KCNH6: variants seen among roughly 807,000 people sequenced by gnomAD.
The protein encoded by KCNH6 is voltage-gated inwardly rectifying potassium channel KCNH6.
Under a neutral mutation model 83.4 loss-of-function variants are expected in KCNH6, and 81 were observed. The observed-to-expected ratio is 0.97, with a 90% CI of 0.81 to 1.17. KCNH6 has a LOEUF of 1.17. Among genes scored for constraint, KCNH6 ranks in the 50% most tolerant of loss-of-function variants. The pLI is 0.00. For missense variants in KCNH6, 1,203 were observed against 1,290.5 expected, an observed-to-expected ratio of 0.93 and a Z score of 1.04; for synonymous variants, 503 against 545.6, an observed-to-expected ratio of 0.92 and a Z score of 1.09.
Position 63,533,852 on chromosome 17 carries a change from C to G in KCNH6, c.676-34C>G, listed in dbSNP as rs1296932659. ...GGCCAGTCTCACCAGCAGTGGCTGCCCCGTGCCTGACCTCCCTCGGCCCCC... is the reference window on the plus strand; with the variant it reads ...GGCCAGTCTCACCAGCAGTGGCTGCGCCGTGCCTGACCTCCCTCGGCCCCC... On this transcript the variant is annotated intron_variant, in intron 4 of 12. Transcript: ENST00000314672. The surrounding 1 kb of genome is among the most constrained non-coding windows in gnomAD (Gnocchi z 4.1). 4.4e-6 allele frequency: 7 copies of G among 1,589,012 alleles called. No homozygotes were observed. Among genetic ancestry groups the G allele is most frequent in the Non-Finnish European group, 6.0e-6 (7 of 1,167,838 alleles).
At position 63,544,383 on chromosome 17, in the gene KCNH6, C is replaced by T. The variant is rs2033040969; in HGVS notation, c.2368C>T (p.Leu790=). 6.3e-7 allele frequency: 1 copy of T among 1,599,710 alleles called. No individual in the cohort carries two copies. The change falls in exon 11 of 13, where the codon CTA becomes TTA. Residue 790 remains leucine (L), a synonymous_variant. Coordinates refer to ENST00000314672, the MANE Select transcript of KCNH6 (RefSeq NM_001278919.2). ...CTGGCCTCTGAAGCTGGGCTCCAGG[C>T]TAGAGCAGCTCCAGGCCCAGATGAA... The part of the protein sequence containing the change: ...DCWPLKLGSR[L]EQLQAQMNRL...
rs866919638 is a variant in KCNH6, at chr17:63,538,400, C to T, written c.1702-10C>T. The T allele has an allele frequency of 6.3e-7, 1 of 1,591,212 alleles. No individual in the cohort carries two copies. The highest frequency in any genetic ancestry group is 8.5e-7 in the Non-Finnish European group (1 of 1,170,078). On this transcript the variant is annotated splice_polypyrimidine_tract_variant and intron_variant, in intron 7 of 12. Transcript: ENST00000314672. This position sits in a 1 kb window ranked among gnomAD's most constrained non-coding sequence, Gnocchi z 4.0. ...CCGCGTCCCGCTGGACTTGGCCGCC[C>T]GCCTTGCAGGTGCTGAAGGGCTTCC...
intron 8 of KCNH6, among the ~76,000 whole-genome samples, chr17:63,539,455 TG>T (rs1568083595): frequency 6.6e-6 from 1 of 152,214 alleles, no homozygotes; most frequent in Non-Finnish European, 1.5e-5. Flanking sequence ...CAAGGAGCCC[TG>T]TCCTCACCCC....
Position 63,545,759 on chromosome 17 carries a change from C to A in KCNH6, c.2734C>A (p.Pro912Thr). The change falls in exon 13 of 13, where the codon CCT becomes ACT. Residue 912 changes from proline to threonine, a missense_variant. Physicochemically the swap from Pro to Thr is conservative, Grantham distance 38. Coordinates refer to ENST00000314672, the MANE Select transcript of KCNH6 (RefSeq NM_001278919.2). ...PEGLWPPLAS[P>T]LHPLEVQGLI... ...GGGGCTCTGGCCACCCCTAGCCTCA[C>A]CTCTACATCCCCTGGAAGTACAAGG... 6.2e-7 allele frequency: 1 copy of A among 1,614,164 alleles called. No individual in the cohort carries two copies.
Position 63,538,262 on chromosome 17 carries a change from G to A in KCNH6, c.1699G>A (p.Ala567Thr), listed in dbSNP as rs762870334. ...CTACACCAATGGCATTGACATGAAC[G>A]CGGTGAGCCCCGCCGCTCCGGCTAA... Reference protein sequence around the residue: ...WSYTNGIDMNAVLKGFPECLQ... With the variant: ...WSYTNGIDMNTVLKGFPECLQ... The change falls in exon 7 of 13, where the codon GCG becomes ACG. Residue 567 changes from alanine (A) to threonine (T), a missense_variant and splice_region_variant. By Grantham distance (58) the Ala-to-Thr change is moderately conservative. Transcript: ENST00000314672. This position sits in a 1 kb window ranked among gnomAD's most constrained non-coding sequence, Gnocchi z 4.0. 3 of 1,613,584 alleles carry A rather than the reference G, an allele frequency of 1.9e-6. No individual in the cohort carries two copies. Among genetic ancestry groups the A allele is most frequent in the East Asian group, 2.2e-5 (1 of 44,844 alleles).
chr17:63,543,910 A>G lies in KCNH6; in HGVS notation c.2233+250A>G, dbSNP rs540645209. On this transcript the variant is annotated intron_variant, in intron 10 of 12. Transcript: ENST00000314672. ...ATGCAACCCCCAGGGGTGTATGGAG[A>G]CTAGCCAGCCCCCTGAGGTTCCACA... 3 of 683,840 alleles carry G rather than the reference A, an allele frequency of 4.4e-6. No individual in the cohort carries two copies. In the South Asian group the frequency reaches 5.7e-5, roughly 13 times the overall value. The allele number at this position is 683,840 out of a possible 1,614,324, so 42.4% of individuals were successfully genotyped here.
rs2031577134 is a variant in KCNH6, at chr17:63,524,607, G to A, written c.307+238G>A. ...GTTCTGGCCTGGGGCAGGGCCTCCT[G>A]CTCTGCCATCCCTCTGCTGTGTCCC... On this transcript the variant is annotated intron_variant, in intron 2 of 12. Coordinates refer to ENST00000314672, the MANE Select transcript of KCNH6 (RefSeq NM_001278919.2). Among the ~76,000 whole-genome samples the A allele has an allele frequency of 3.9e-5, 6 of 152,344 alleles. No individual in the cohort carries two copies. The South Asian group carries it at 1.2e-3, about 32-fold the overall frequency.
In KCNH6 at chr17:63,523,569, C is replaced by T; in HGVS notation, c.76+80C>T. On this transcript the variant is annotated intron_variant, in intron 1 of 12. Coordinates refer to ENST00000314672, the MANE Select transcript of KCNH6 (RefSeq NM_001278919.2). This position sits in a 1 kb window ranked among gnomAD's most constrained non-coding sequence, Gnocchi z 4.2. ...AGGGGGGGCTGGACCCCTTTACTAA[C>T]TTCTAACCGGGCAAGGTGGTGAGTG... The T allele has an allele frequency of 7.4e-7, 1 of 1,359,048 alleles. No individual in the cohort carries two copies. 84.2% of individuals were successfully genotyped at this position (1,359,048 alleles called of 1,614,324 possible).
rs746709495 is a variant in KCNH6 at position 63,538,300 on chromosome 17, G to A, written c.1701+36G>A. On this transcript the variant is annotated intron_variant, in intron 7 of 12. Coordinates refer to ENST00000314672, the MANE Select transcript of KCNH6 (RefSeq NM_001278919.2). The surrounding 1 kb of genome is among the most constrained non-coding windows in gnomAD (Gnocchi z 4.0). Reference sequence around the variant, plus strand: ...CCGCTCCGGCTAATGCCCCGGGCGTGGGGGGGAGCCAAGATCCTGCGGGGG... The same window carrying A: ...CCGCTCCGGCTAATGCCCCGGGCGTAGGGGGGAGCCAAGATCCTGCGGGGG... 6 of 1,486,016 alleles carry A rather than the reference G, an allele frequency of 4.0e-6. No homozygotes were observed. Among genetic ancestry groups the A allele is most frequent in the Non-Finnish European group, 5.3e-6 (6 of 1,121,608 alleles). 92.1% of individuals were successfully genotyped at this position (1,486,016 alleles called of 1,614,324 possible). A position where few individuals can be genotyped will look rare whatever the true frequency, so the allele number is the denominator to read the frequency against.
intron 4 of KCNH6, 118 bp downstream of exon 4, chr17:63,530,660 C>T (rs974828040): frequency 5.7e-6 from 5 of 869,832 alleles, no homozygotes; most frequent in Non-Finnish European, 8.9e-6. Context: ...GCCTGTCCAG[C>T]CTCTAATATC....
rs41280094 is a variant in KCNH6, at chr17:63,536,045, C to T, written c.1478C>T (p.Ser493Phe). ...SPNTNSEKVF[S>F]ICVMLIGSLM... is the part of the protein sequence containing the mutation. ...AACACCAACTCCGAGAAGGTCTTCT[C>T]CATCTGCGTCATGCTCATCGGCTGT... The change falls in exon 6 of 13, where the codon TCC becomes TTC. Residue 493 changes from serine to phenylalanine, a missense_variant. Coordinates refer to ENST00000314672, the MANE Select transcript of KCNH6 (RefSeq NM_001278919.2). The T allele has an allele frequency of 3.7e-6, 6 of 1,613,518 alleles. No homozygotes were observed. The highest frequency in any genetic ancestry group is 5.1e-6 in the Non-Finnish European group (6 of 1,179,954).
At position 63,534,141 on chromosome 17, in the gene KCNH6, T is replaced by A; in HGVS notation, c.931T>A (p.Phe311Ile). Residue 311 changes from phenylalanine to isoleucine, a missense_variant, in exon 5 of 13, where the codon TTC (phenylalanine) becomes ATC (isoleucine). By Grantham distance (21) the Phe-to-Ile change is conservative. Coordinates refer to ENST00000314672, the MANE Select transcript of KCNH6 (RefSeq NM_001278919.2). This position sits in a 1 kb window ranked among gnomAD's most constrained non-coding sequence, Gnocchi z 5.0. Reference sequence around the variant, plus strand: ...GGTGGATCTCATCGTGGACATCATGTTCGTCGTGGACATCGTCATCAACTT... The same window carrying A: ...GGTGGATCTCATCGTGGACATCATGATCGTCGTGGACATCGTCATCAACTT... ...TVVDLIVDIM[F>I]VVDIVINFRT... 6.2e-7 allele frequency: 1 copy of A among 1,609,912 alleles called. No individual in the cohort carries two copies. Among genetic ancestry groups the A allele is most frequent in the East Asian group, 2.2e-5 (1 of 44,520 alleles).
intron 4 of KCNH6, among the ~76,000 whole-genome samples, chr17:63,531,415 T>A (rs1357015336): frequency 6.6e-6 from 1 of 152,230 alleles, no homozygotes; most frequent in Non-Finnish European, 1.5e-5. Flanking sequence ...CAGACAAAGC[T>A]GTAAGTCATA....
Position 63,544,268 on chromosome 17 carries a change from C to A in KCNH6, c.2253C>A (p.Ser751Arg). The change falls in exon 11 of 13, where the codon AGC (serine) becomes AGA (arginine). Residue 751 changes from serine to arginine, a missense_variant. By Grantham distance (110) the Ser-to-Arg change is moderately radical. Transcript: ENST00000314672. ...DNQSDAAPPL[S>R]ISDASGLWPE... is the part of the protein sequence containing the mutation. The stretch of plus-strand genomic sequence containing the variant: ...CTGCAGATGCAGCCCCTCCCCTGAG[C>A]ATCTCAGATGCATCTGGCCTCTGGC... The A allele has an allele frequency of 6.3e-7, 1 of 1,592,130 alleles. No individual in the cohort carries two copies. Among genetic ancestry groups the A allele is most frequent in the Non-Finnish European group, 8.6e-7 (1 of 1,168,008 alleles).
Position 63,533,850 on chromosome 17 carries a change from GC to G in KCNH6, c.676-32del. 1.3e-6 allele frequency: 2 copies of G among 1,585,112 alleles called. No homozygotes were observed. The highest frequency in any genetic ancestry group is 1.7e-6 in the Non-Finnish European group (2 of 1,165,696). ...TAGGCCAGTCTCACCAGCAGTGGCT[GC>G]CCCGTGCCTGACCTCCCTCGGCCCC... is the stretch of plus-strand genomic sequence containing the variant. On this transcript the variant is annotated intron_variant, in intron 4 of 12. Coordinates refer to ENST00000314672, the MANE Select transcript of KCNH6 (RefSeq NM_001278919.2). The surrounding 1 kb of genome is among the most constrained non-coding windows in gnomAD (Gnocchi z 4.1).
intron 8 of KCNH6, among the ~76,000 whole-genome samples, chr17:63,539,665 G>C (rs2032748044): frequency 6.6e-6 from 1 of 152,060 alleles, no homozygotes; most frequent in African/African-American, 2.4e-5. Flanking sequence ...CTTCATTCCT[G>C]CCCACTGTCC....
At position 63,538,506 on chromosome 17, in the gene KCNH6, A is replaced by T; in HGVS notation, c.1798A>T (p.Lys600Ter). 3 of 1,603,814 alleles carry T rather than the reference A, an allele frequency of 1.9e-6. No homozygotes were observed. Among genetic ancestry groups the T allele is most frequent in the Non-Finnish European group, 2.6e-6 (3 of 1,175,802 alleles). ...QHCPAFSGAG[K>*]GCLRALAVKF... ...CTGCCCAGCTTTCAGCGGCGCCGGC[A>T]AGGGCTGCCTGCGCGCGCTAGCCGT... Residue 600 changes from lysine to a stop codon, truncating the protein, a stop_gained, in exon 8 of 13, where the codon AAG becomes TAG. Transcript: ENST00000314672. LOFTEE classifies it high-confidence loss of function. This position sits in a 1 kb window ranked among gnomAD's most constrained non-coding sequence, Gnocchi z 4.0.
intron 10 of KCNH6, 87 bp from the exon 11 acceptor site, chr17:63,544,162 T>TA: frequency 6.3e-7 from 1 of 1,599,300 alleles, no homozygotes; most frequent in Non-Finnish European, 8.6e-7. Context: ...CCAGGGCAGG[T>TA]AGGGGGTGGG....
chr17:63,536,450 C>A (rs1412167862), intron 6 of KCNH6, among the ~76,000 whole-genome samples: 3 of 152,166 alleles, frequency 2.0e-5, no homozygotes, highest in Admixed American at 1.3e-4. Context: ...CAAGACTAGC[C>A]TGGCCAATAT....
Sources: allele counts gnomAD v4.1 joint callset (sites outside exome capture counted in the v4.1 genomes callset), GRCh38; gene constraint gnomAD v4.1.1; non-coding constraint Gnocchi (gnomAD v3.1); transcripts MANE v1.5; gene names NCBI Gene and HGNC (gene_info 2026-07-23, HGNC 2026-07-21).